PTPRN2: variants seen among roughly 807,000 people sequenced by gnomAD.
PTPRN2 encodes receptor-type tyrosine-protein phosphatase N2.
A neutral mutation model predicts 118.8 loss-of-function variants in PTPRN2; 74 were observed. The ratio of observed to expected loss-of-function variants is 0.62; its 90% CI spans 0.52 to 0.76. The LOEUF (loss-of-function observed/expected upper bound fraction) is 0.76, where lower values mean the gene tolerates loss of function less well. Among genes scored for constraint, PTPRN2 ranks in the 30% least tolerant of loss-of-function variants. The pLI is 0.00. For synonymous variants in PTPRN2, 641 were observed against 608.0 expected (o/e 1.05, Z -0.80); for missense variants, 1,481 against 1,394.4 (o/e 1.06, Z -0.99).
rs1803972735 is a variant in PTPRN2, at chr7:157,785,436, CA to C, written c.1789-102500del. On this transcript the variant is annotated intron_variant, in intron 12 of 22. Transcript: ENST00000389418. This position sits in a 1 kb window ranked among gnomAD's most constrained non-coding sequence, Gnocchi z 7.3. ...GTGGAAAAGGCCTTGGAGCCTGGGGCAGGGCTCAGAGGGGCCCCAGGCCGGC... is the reference window on the plus strand; with the variant it reads ...GTGGAAAAGGCCTTGGAGCCTGGGGCGGGCTCAGAGGGGCCCCAGGCCGGC... 6.6e-6 allele frequency among the ~76,000 whole-genome samples: 1 copy of C among 152,188 alleles called. No homozygotes were observed. Among genetic ancestry groups the C allele is most frequent in the South Asian group, 2.1e-4 (1 of 4,830 alleles).
rs899173177 is a variant in PTPRN2, at chr7:157,615,886, G to C, written c.2344+5476C>G. 9.0e-6 allele frequency: 3 copies of C among 333,158 alleles called. No individual in the cohort carries two copies. The highest frequency in any genetic ancestry group is 8.2e-5 in the Admixed American group (2 of 24,524). 20.6% of individuals were successfully genotyped at this position (333,158 alleles called of 1,614,324 possible). On this transcript the variant is annotated intron_variant, in intron 15 of 22. Transcript: ENST00000389418. The surrounding 1 kb of genome is among the most constrained non-coding windows in gnomAD (Gnocchi z 4.3). ...CTTAAGGAAAAGACTCTGGATGTTAGTGGGTTCGGCCTCAGAATCAGCCGG... is the reference window on the plus strand; with the variant it reads ...CTTAAGGAAAAGACTCTGGATGTTACTGGGTTCGGCCTCAGAATCAGCCGG...
At chr7:158,243,026 A>C (rs1400397120) in intron 3 of PTPRN2, among the ~76,000 whole-genome samples, 13 of 152,086 alleles carry the variant, frequency 8.5e-5, no homozygotes, top group Admixed American at 8.5e-4. Context: ...TTTCTTCTCT[A>C]ATCATTGTTA....
intron 21 of PTPRN2, among the ~76,000 whole-genome samples, chr7:157,563,559 A>AC (rs1799324957): frequency 7.3e-6 from 1 of 136,874 alleles, no homozygotes; most frequent in Non-Finnish European, 1.6e-5. Flanking sequence ...ACGTCACCAC[A>AC]CACAGCAGAT....
chr7:157,670,052 C>T (rs1212113623), intron 13 of PTPRN2, among the ~76,000 whole-genome samples: 8 of 152,164 alleles, frequency 5.3e-5, no homozygotes, highest in African/African-American at 1.2e-4. Context: ...GCTCAGGGAC[C>T]GAGTGTCCCA....
intron 2 of PTPRN2, among the ~76,000 whole-genome samples, chr7:158,381,465 C>T (rs1479666765): frequency 6.6e-6 from 1 of 152,174 alleles, no homozygotes; most frequent in Non-Finnish European, 1.5e-5. Flanking sequence ...CAACAAGTTC[C>T]TCATTTCCAT....
At chr7:158,562,962 G>A (rs1244012131) in intron 1 of PTPRN2, among the ~76,000 whole-genome samples, 1 of 152,240 alleles carries the variant, frequency 6.6e-6, no homozygotes, top group African/African-American at 2.4e-5. Flanking sequence ...GCATGGCAGA[G>A]GCCGAGAGCG....
At chr7:158,394,299 C>A (rs1198632026) in intron 2 of PTPRN2, among the ~76,000 whole-genome samples, 1 of 152,178 alleles carries the variant, frequency 6.6e-6, no homozygotes, top group African/African-American at 2.4e-5. Flanking sequence ...CTGGCTCCCC[C>A]ACCAAGGAGC....
chr7:158,153,801 G>A (rs1821430846), intron 6 of PTPRN2, among the ~76,000 whole-genome samples: 1 of 152,188 alleles, frequency 6.6e-6, no homozygotes. Context: ...CAAGGTCAGA[G>A]GCAGGAGGCC....
At chr7:157,651,586 C>T (rs931350468) in intron 14 of PTPRN2, among the ~76,000 whole-genome samples, 4 of 152,218 alleles carry the variant, frequency 2.6e-5, no homozygotes, top group African/African-American at 7.2e-5. Flanking sequence ...CGGTGACACT[C>T]TTCTCCACCT....
At chr7:158,535,111 G>A (rs980156350) in intron 1 of PTPRN2, among the ~76,000 whole-genome samples, 1 of 152,186 alleles carries the variant, frequency 6.6e-6, no homozygotes, top group African/African-American at 2.4e-5. Flanking sequence ...AGATTCCATG[G>A]GGTATTCTTT....
At chr7:157,786,677 C>G (rs188518115) in intron 12 of PTPRN2, among the ~76,000 whole-genome samples, 2 of 152,364 alleles carry the variant, frequency 1.3e-5, no homozygotes, top group Admixed American at 1.3e-4. Context: ...AGGCCACATC[C>G]GTGCAGAAAG....
intron 13 of PTPRN2, among the ~76,000 whole-genome samples, chr7:157,661,558 G>A (rs1301274493): frequency 6.6e-6 from 1 of 152,260 alleles, no homozygotes; most frequent in African/African-American, 2.4e-5. Context: ...GCAAACATCT[G>A]AGCAGCGATA....
chr7:157,874,902 TAC>T lies in PTPRN2; in HGVS notation c.1788+23769_1788+23770del, dbSNP rs199645361. Among the ~76,000 whole-genome samples the T allele has an allele frequency of 9.0e-3, 1,332 of 148,592 alleles. 22 individuals carry two copies. The highest frequency in any genetic ancestry group is 0.029 in the African/African-American group (1,169 of 40,112). ...ACACACGGAGACACACTCGTGCACA[TAC>T]ACACACACTCATGCACATACACAGA... On this transcript the variant is annotated intron_variant, in intron 12 of 22. Coordinates refer to ENST00000389418, the MANE Select transcript of PTPRN2 (RefSeq NM_002847.5). This position sits in a 1 kb window ranked among gnomAD's most constrained non-coding sequence, Gnocchi z 5.8.
At chr7:157,999,506 C>T (rs1805052774) in intron 11 of PTPRN2, among the ~76,000 whole-genome samples, 2 of 152,210 alleles carry the variant, frequency 1.3e-5, no homozygotes, top group Admixed American at 1.3e-4. Context: ...GCGTTTTCCA[C>T]CAACACAGGC....
rs1303196308 is a variant in PTPRN2 at position 158,319,746 on chromosome 7, C to T, written c.164-2814G>A. 3.2e-4 allele frequency among the ~76,000 whole-genome samples: 9 copies of T among 27,958 alleles called. 4 individuals carry two copies. The highest frequency in any genetic ancestry group is 3.9e-4 in the Non-Finnish European group (5 of 12,902). The allele number at this position is 27,958 out of a possible 152,430, so 18.3% of individuals were successfully genotyped here. A position where few individuals can be genotyped will look rare whatever the true frequency, so the allele number is the denominator to read the frequency against. ...TCACACACACTCACAGTCTCCCTCACACACACAGCCTCCCTCACACACACA... is the reference window on the plus strand; with the variant it reads ...TCACACACACTCACAGTCTCCCTCATACACACAGCCTCCCTCACACACACA... On this transcript the variant is annotated intron_variant, in intron 2 of 22. Transcript: ENST00000389418.
At chr7:158,150,759 C>A (rs138148318) in intron 6 of PTPRN2, among the ~76,000 whole-genome samples, 1 of 151,896 alleles carries the variant, frequency 6.6e-6, no homozygotes, top group African/African-American at 2.4e-5. Context: ...GTCTGTGAGA[C>A]GCTGCGTATC....
intron 11 of PTPRN2, among the ~76,000 whole-genome samples, chr7:157,988,697 C>A (rs1419621110): frequency 2.0e-5 from 3 of 152,186 alleles, no homozygotes; most frequent in Admixed American, 6.5e-5. Context: ...TGCCCATGAC[C>A]CGGTCCACAG....
intron 12 of PTPRN2, among the ~76,000 whole-genome samples, chr7:157,837,021 ACCACCACCTGTCCACCCACCCACC>A: frequency 1.2e-5 from 1 of 80,718 alleles, no homozygotes; most frequent in South Asian, 3.8e-4. Flanking sequence ...CCATCCACCC[ACCACCACCTGTCCACCCACCCACC>A]CATCCACACA....
chr7:158,452,141 C>G (rs1363248750), intron 2 of PTPRN2, among the ~76,000 whole-genome samples: 2 of 152,230 alleles, frequency 1.3e-5, no homozygotes. Flanking sequence ...GTTCCCCACT[C>G]TGGCTTAAGT....
Sources: allele counts gnomAD v4.1 joint callset (sites outside exome capture counted in the v4.1 genomes callset), GRCh38; gene constraint gnomAD v4.1.1; non-coding constraint Gnocchi (gnomAD v3.1); transcripts MANE v1.5; gene names NCBI Gene and HGNC (gene_info 2026-07-23, HGNC 2026-07-21).